Variants in NKAIN2 observed in about 807,000 individuals in gnomAD.
NKAIN2 encodes sodium/potassium transporting ATPase interacting 2, also known as sodium/potassium-transporting ATPase subunit beta-1-interacting protein 2.
A neutral mutation model predicts 32.6 loss-of-function variants in NKAIN2; 14 were observed. The observed-to-expected ratio is 0.43, with a 90% confidence interval of 0.28 to 0.67. NKAIN2 has a LOEUF of 0.67. Among genes scored for constraint, NKAIN2 ranks in the 30% least tolerant of loss-of-function variants. The pLI, the probability that NKAIN2 is intolerant of heterozygous loss-of-function variation, is 0.17. For synonymous variants in NKAIN2, 80 were observed against 87.2 expected (o/e 0.92, Z 0.46); for missense variants, 198 against 258.3 (o/e 0.77, Z 1.60).
chr6:124,466,076 A>G (rs994596774), intron 3 of NKAIN2, among the ~76,000 whole-genome samples: 1 of 151,482 alleles, frequency 6.6e-6, no homozygotes, highest in Non-Finnish European at 1.5e-5. Flanking sequence ...GGATCACTGT[A>G]ATGTTTTACA....
intron 4 of NKAIN2, among the ~76,000 whole-genome samples, chr6:124,709,822 C>CT (rs1358411556): frequency 6.6e-6 from 1 of 151,200 alleles, no homozygotes; most frequent in Non-Finnish European, 1.5e-5. Context: ...TTTTGTGTCT[C>CT]TATTTCCTTC....
chr6:123,997,597 CTTTTTTTTTTTT>C (rs545393601), intron 1 of NKAIN2, among the ~76,000 whole-genome samples: 4,113 of 98,398 alleles, frequency 0.042, 239 homozygotes, highest in African/African-American at 0.15. Flanking sequence ...GGAGTTTATT[CTTTTTTTTTTTT>C]TTTTTTTTTT....
chr6:123,844,524 A>C (rs562007667), intron 1 of NKAIN2, among the ~76,000 whole-genome samples: 29 of 152,166 alleles, frequency 1.9e-4, no homozygotes, highest in African/African-American at 5.1e-4. Flanking sequence ...ATCTCTTAGT[A>C]GCTAACCTAT....
At chr6:123,932,374 TGGAGTAGAGAA>T (rs148991204) in intron 1 of NKAIN2, among the ~76,000 whole-genome samples, 10,491 of 149,982 alleles carry the variant, frequency 0.07, 945 homozygotes, top group African/African-American at 0.21. Flanking sequence ...TCAACATGTG[TGGAGTAGAGAA>T]GTTTGGCCTT....
intron 4 of NKAIN2, among the ~76,000 whole-genome samples, chr6:124,700,619 T>C (rs759084444): frequency 3.3e-5 from 5 of 152,086 alleles, no homozygotes; most frequent in Non-Finnish European, 7.4e-5. Context: ...AGACAGGAAG[T>C]TGTGCCCCCA....
intron 1 of NKAIN2, among the ~76,000 whole-genome samples, chr6:123,873,037 T>C (rs1486368106): frequency 6.6e-6 from 1 of 152,188 alleles, no homozygotes; most frequent in East Asian, 1.9e-4. Context: ...TTGAGCAAGA[T>C]GGACAAGGTC....
At chr6:123,981,779 A>C (rs1778909594) in intron 1 of NKAIN2, among the ~76,000 whole-genome samples, 1 of 152,146 alleles carries the variant, frequency 6.6e-6, no homozygotes, top group African/African-American at 2.4e-5. Flanking sequence ...TAAGTGCAAA[A>C]CACCATGATT....
chr6:124,014,239 T>G (rs1359205275), intron 1 of NKAIN2, among the ~76,000 whole-genome samples: 1 of 152,146 alleles, frequency 6.6e-6, no homozygotes, highest in Admixed American at 6.6e-5. Context: ...AAACAATAGA[T>G]TCCATGGATA....
intron 1 of NKAIN2, among the ~76,000 whole-genome samples, chr6:124,102,249 A>G (rs1234641235): frequency 6.6e-6 from 1 of 152,172 alleles, no homozygotes; most frequent in Non-Finnish European, 1.5e-5. Flanking sequence ...TCACCTTAGC[A>G]TCAGCTTCCT....
intron 3 of NKAIN2, among the ~76,000 whole-genome samples, chr6:124,484,772 T>A (rs976427084): frequency 7.2e-5 from 11 of 152,116 alleles, no homozygotes; most frequent in African/African-American, 1.9e-4. Flanking sequence ...TAAACATGCA[T>A]GTATGAATAA....
intron 3 of NKAIN2, among the ~76,000 whole-genome samples, chr6:124,398,744 T>C (rs1773505295): frequency 6.6e-6 from 1 of 152,132 alleles, no homozygotes; most frequent in South Asian, 2.1e-4. Flanking sequence ...GGAAAAGACA[T>C]AATCAAGCCT....
At position 123,964,192 on chromosome 6, in the gene NKAIN2, A is replaced by G. The variant is rs982555067; in HGVS notation, c.54+159938A>G. 6.6e-6 allele frequency among the ~76,000 whole-genome samples: 1 copy of G among 152,074 alleles called. No individual in the cohort carries two copies. The highest frequency in any genetic ancestry group is 1.5e-5 in the Non-Finnish European group (1 of 67,994). ...TACCTACATCAATTTTGTTTTCTTT[A>G]TTTATTTCAAGACTATCTCTCCCTA... On this transcript the variant is annotated intron_variant, in intron 1 of 6. Coordinates refer to ENST00000368417, the MANE Select transcript of NKAIN2 (RefSeq NM_001040214.3). This position sits in a 1 kb window ranked among gnomAD's most constrained non-coding sequence, Gnocchi z 4.0.
intron 1 of NKAIN2, among the ~76,000 whole-genome samples, chr6:124,249,084 A>G (rs544376428): frequency 6.6e-6 from 1 of 152,270 alleles, no homozygotes; most frequent in African/African-American, 2.4e-5. Context: ...CTGGTTCTTT[A>G]AAAAGGATAT....
At chr6:123,811,542 T>C (rs1773474640) in intron 1 of NKAIN2, among the ~76,000 whole-genome samples, 1 of 72,966 alleles carries the variant, frequency 1.4e-5, no homozygotes, top group Admixed American at 1.4e-4. Flanking sequence ...ATTGGGTGAC[T>C]AAATAACTAT....
chr6:124,756,966 A>G (rs1777994408), intron 4 of NKAIN2, among the ~76,000 whole-genome samples: 1 of 152,122 alleles, frequency 6.6e-6, no homozygotes, highest in Admixed American at 6.6e-5. Flanking sequence ...CAGGTTTTCC[A>G]AAATAAGTTA....
intron 3 of NKAIN2, among the ~76,000 whole-genome samples, chr6:124,544,262 T>G (rs1171723368): frequency 6.6e-6 from 1 of 151,880 alleles, no homozygotes; most frequent in Non-Finnish European, 1.5e-5. Context: ...CCAGGGACAT[T>G]ACAGTCGAGA....
intron 1 of NKAIN2, among the ~76,000 whole-genome samples, chr6:124,238,632 T>G (rs1017219649): frequency 6.6e-6 from 1 of 152,104 alleles, no homozygotes; most frequent in Admixed American, 6.6e-5. Context: ...GCAGCTAAGG[T>G]ACCCACCTCA....
intron 1 of NKAIN2, among the ~76,000 whole-genome samples, chr6:124,104,431 A>G (rs917704134): frequency 2.6e-5 from 4 of 152,166 alleles, no homozygotes; most frequent in Admixed American, 2.6e-4. Flanking sequence ...CTCATCAAGA[A>G]TGGTATATTT....
chr6:124,540,495 TCA>T (rs1440348230), intron 3 of NKAIN2, among the ~76,000 whole-genome samples: 1 of 152,268 alleles, frequency 6.6e-6, no homozygotes, highest in Non-Finnish European at 1.5e-5. Context: ...GAAATATAGT[TCA>T]CCAGGATGGT....
Sources: gnomAD v4.1 joint callset for allele counts (sites outside exome capture counted in the v4.1 genomes callset) on GRCh38, gnomAD v4.1.1 for gene constraint, Gnocchi (gnomAD v3.1) non-coding constraint, MANE v1.5 for transcripts, NCBI Gene and HGNC (gene_info 2026-07-23, HGNC 2026-07-21) for gene names.